Variants in PRRC2B observed in about 807,000 individuals in gnomAD.
PRRC2B encodes the protein proline rich coiled-coil 2B, also known as protein PRRC2B.
Under a neutral mutation model 242.3 loss-of-function variants are expected in PRRC2B, and 68 were observed. The ratio of observed to expected loss-of-function variants is 0.28; its 90% CI spans 0.23 to 0.34. The LOEUF (loss-of-function observed/expected upper bound fraction) is 0.34. PRRC2B is among the 10% of genes least tolerant of loss of function. PRRC2B has a pLI of 1.00. For missense variants in PRRC2B, 2,835 were observed against 2,954.8 expected, an observed-to-expected ratio of 0.96 and a Z score of 0.94; for synonymous variants, 1,228 against 1,173.6, an observed-to-expected ratio of 1.05 and a Z score of -0.95.
rs1380335799 is a variant in PRRC2B, at chr9:131,467,694, T to C, written c.1852T>C (p.Phe618Leu). Residue 618 changes from phenylalanine to leucine, a missense_variant, in exon 13 of 32, where the codon TTC (phenylalanine) becomes CTC (leucine). Transcript: ENST00000683519. The stretch of plus-strand genomic sequence containing the variant: ...AGAGGCTGGGTCCCCTGCACAGGAG[T>C]TCAAGTATCAGAAGTCCCTTCCTCC... ...AREAGSPAQE[F>L]KYQKSLPPRF... 1.9e-6 allele frequency: 3 copies of C among 1,612,648 alleles called. No homozygotes were observed. Among genetic ancestry groups the C allele is most frequent in the Non-Finnish European group, 2.5e-6 (3 of 1,179,608 alleles).
At chr9:131,404,668 ATTC>A (rs1345400037) in intron 1 of PRRC2B, among the ~76,000 whole-genome samples, 1 of 152,076 alleles carries the variant, frequency 6.6e-6, no homozygotes, top group Non-Finnish European at 1.5e-5. Context: ...GCACGTTTGT[ATTC>A]TTCAAGCATG....
rs767129384 is a variant in PRRC2B at position 131,475,392 on chromosome 9, T to A, written c.3263T>A (p.Leu1088His). 2 of 1,585,128 alleles carry A rather than the reference T, an allele frequency of 1.3e-6. No individual in the cohort carries two copies. The highest frequency in any genetic ancestry group is 1.7e-6 in the Non-Finnish European group (2 of 1,166,462). Residue 1088 changes from leucine to histidine, a missense_variant, in exon 16 of 32, where the codon CTC (leucine) becomes CAC (histidine). Physicochemically the swap from Leu to His is moderately conservative, Grantham distance 99. Transcript: ENST00000683519. ...CCTGCTGGCGGAAATGGGAGCGGCC[T>A]CTGTGGTGGGGGGGTCCTGGGGGCC... is the stretch of plus-strand genomic sequence containing the variant. Reference protein sequence around the residue: ...GRPAGGNGSGLCGGGVLGARS... With the variant: ...GRPAGGNGSGHCGGGVLGARS...
At chr9:131,473,001 T>C (rs10793872) in intron 14 of PRRC2B, among the ~76,000 whole-genome samples, 134,144 of 152,182 alleles carry the variant, frequency 0.88, 59,663 homozygotes, top group South Asian at 0.97. Flanking sequence ...TCTGAAGTCT[T>C]TGTCCCTTAA....
chr9:131,393,555 A>G (rs1201448612), upstream of PRRC2B, among the ~76,000 whole-genome samples: 1 of 152,232 alleles, frequency 6.6e-6, no homozygotes, highest in East Asian at 1.9e-4. Flanking sequence ...GAAATGAAAA[A>G]AGTATTATTT....
At chr9:131,434,512 A>G (rs922168083) in intron 3 of PRRC2B, among the ~76,000 whole-genome samples, 2 of 152,258 alleles carry the variant, frequency 1.3e-5, no homozygotes, top group Admixed American at 1.3e-4. Flanking sequence ...TGGGCCCACA[A>G]CGTGGGGACT....
Position 131,477,849 on chromosome 9 carries a change from C to T in PRRC2B, c.4512C>T (p.Pro1504=), listed in dbSNP as rs779070179. 26 of 1,613,722 alleles carry T rather than the reference C, an allele frequency of 1.6e-5. No individual in the cohort carries two copies. The highest frequency in any genetic ancestry group is 2.2e-5 in the East Asian group (1 of 44,886). ...CAGCCCATGCCAGTGCTGACCTTCC[C>T]GAAGCCTCCAGTAAAAAGGCAGAGA... is the stretch of plus-strand genomic sequence containing the variant. ...ERAAHASADL[P]EASSKKAEKE... is the part of the protein sequence containing the mutation. Residue 1504 remains proline, a synonymous_variant, in exon 17 of 32, where the codon CCC becomes CCT. Transcript: ENST00000683519.
At chr9:131,449,862 T>C (rs1185141356) in intron 9 of PRRC2B, among the ~76,000 whole-genome samples, 1 of 152,248 alleles carries the variant, frequency 6.6e-6, no homozygotes, top group Non-Finnish European at 1.5e-5. Flanking sequence ...TAACTATTAA[T>C]TTTAGGTCTT....
At chr9:131,438,824 C>T (rs962155997) in intron 4 of PRRC2B, among the ~76,000 whole-genome samples, 165 bp from the exon 5 acceptor site, 2 of 152,074 alleles carry the variant, frequency 1.3e-5, no homozygotes, top group South Asian at 2.1e-4. Context: ...GTGTGCGTTA[C>T]AGGGAAGGTT....
chr9:131,405,386 C>T (rs1432927451), intron 1 of PRRC2B, among the ~76,000 whole-genome samples: 2 of 152,168 alleles, frequency 1.3e-5, no homozygotes, highest in South Asian at 2.1e-4. Context: ...AATTCAGAGA[C>T]GGCCTCCATT....
intron 6 of PRRC2B, among the ~76,000 whole-genome samples, chr9:131,445,327 AT>A (rs972039459): frequency 6.6e-6 from 1 of 151,978 alleles, no homozygotes; most frequent in Non-Finnish European, 1.5e-5. Context: ...CACCCAGCTA[AT>A]TTTGTATTTT....
upstream of PRRC2B, among the ~76,000 whole-genome samples, chr9:131,389,458 G>A (rs2131268846): frequency 6.6e-6 from 1 of 150,606 alleles, no homozygotes; most frequent in African/African-American, 2.4e-5. Flanking sequence ...TGCCTGGCTG[G>A]GCAAGTCACT....
intron 6 of PRRC2B, 30 bp downstream of exon 6, chr9:131,444,358 T>C (rs750211100): frequency 2.8e-5 from 45 of 1,601,570 alleles, no homozygotes; most frequent in Non-Finnish European, 3.8e-5. Context: ...GGGCACTCGA[T>C]GGAGTAACAG....
At chr9:131,435,508 G>A (rs1428426652) in intron 3 of PRRC2B, among the ~76,000 whole-genome samples, 5 of 151,596 alleles carry the variant, frequency 3.3e-5, no homozygotes, top group East Asian at 1.9e-4. Context: ...CCAGATATTC[G>A]GGAGACTGAG....
At chr9:131,400,394 C>G (rs1837197095) in intron 1 of PRRC2B, among the ~76,000 whole-genome samples, 1 of 152,026 alleles carries the variant, frequency 6.6e-6, no homozygotes, top group Admixed American at 6.6e-5. Context: ...TCTTGGCTCA[C>G]TGCAACCTCC....
rs545005786 is a variant in PRRC2B, at chr9:131,436,731, T to G, written c.396+9T>G. The G allele has an allele frequency of 1.1e-5, 18 of 1,607,518 alleles. No individual in the cohort carries two copies. The East Asian group carries it at 2.9e-4, about 26-fold the overall frequency. On this transcript the variant is annotated intron_variant, in intron 4 of 31. Coordinates refer to ENST00000683519, the MANE Select transcript of PRRC2B (RefSeq NM_013318.4). ...AGTCAATCAGTCAGGAGGTAGGTGC[T>G]GGGACCCCATCCCAACTGTTTCCTG...
At chr9:131,448,656 A>G (rs950527828) in intron 9 of PRRC2B, among the ~76,000 whole-genome samples, 1 of 150,632 alleles carries the variant, frequency 6.6e-6, no homozygotes, top group Non-Finnish European at 1.5e-5. Flanking sequence ...GCAGCCTCAA[A>G]CTCTTCCTCC....
intron 17 of PRRC2B, 145 bp downstream of exon 17, chr9:131,478,094 G>C: frequency 2.9e-6 from 2 of 681,396 alleles, no homozygotes; most frequent in Non-Finnish European, 5.0e-6. Context: ...TTCTGGGGCT[G>C]TAGAGGTGAG....
At chr9:131,380,439 C>T (rs1022673569) in intron 1 of PRRC2B, among the ~76,000 whole-genome samples, 4 of 151,738 alleles carry the variant, frequency 2.6e-5, no homozygotes, top group South Asian at 2.1e-4. Flanking sequence ...ATTAGCCAGG[C>T]GTGGTGGTGC....
At chr9:131,447,888 C>T (rs1838855682) in intron 9 of PRRC2B, 84 bp downstream of exon 9, 2 of 1,432,626 alleles carry the variant, frequency 1.4e-6, no homozygotes, top group Non-Finnish European at 9.4e-7. Flanking sequence ...CCTGGCACCA[C>T]CGTGTGTTTT....
Sources: gnomAD v4.1 joint callset for allele counts (sites outside exome capture counted in the v4.1 genomes callset) on GRCh38, gnomAD v4.1.1 for gene constraint, MANE v1.5 for transcripts, NCBI Gene and HGNC (gene_info 2026-07-23, HGNC 2026-07-21) for gene names.